The following VAC14 variants were observed in gnomAD, a reference collection of about 807,000 sequenced individuals.
The protein encoded by VAC14 is protein VAC14 homolog.
A neutral mutation model predicts 85.3 loss-of-function variants in VAC14; 47 were observed. The observed-to-expected ratio is 0.55, with a 90% CI of 0.44 to 0.70. The LOEUF (loss-of-function observed/expected upper bound fraction) is 0.70, where lower values mean the gene tolerates loss of function less well. Ranked by LOEUF, VAC14 falls within the 30% of genes least tolerant of loss-of-function variation. The pLI, the probability that VAC14 is intolerant of heterozygous loss-of-function variation, is 0.00. For missense variants in VAC14, 861 were observed against 1,004.3 expected, an observed-to-expected ratio of 0.86 and a Z score of 1.93; for synonymous variants, 447 against 430.5, an observed-to-expected ratio of 1.04 and a Z score of -0.47.
At chr16:70,792,114 C>T (rs1226470805) in intron 1 of VAC14, among the ~76,000 whole-genome samples, 1 of 152,174 alleles carries the variant, frequency 6.6e-6, no homozygotes, top group Non-Finnish European at 1.5e-5. Flanking sequence ...TCTAACCCCT[C>T]GCTAGGTGCT....
At chr16:70,781,358 T>C (rs2033801125) in intron 8 of VAC14, among the ~76,000 whole-genome samples, 1 of 152,200 alleles carries the variant, frequency 6.6e-6, no homozygotes, top group African/African-American at 2.4e-5. Context: ...CAGGTATTCC[T>C]TTATAGCAAC....
intron 3 of VAC14, among the ~76,000 whole-genome samples, chr16:70,785,368 C>T (rs146098053): frequency 1.3e-5 from 2 of 152,328 alleles, no homozygotes; most frequent in African/African-American, 4.8e-5. Flanking sequence ...GCAGCCCTCC[C>T]TAAAGGGAAA....
At chr16:70,795,669 C>G (rs1036794331) in intron 1 of VAC14, among the ~76,000 whole-genome samples, 1 of 152,134 alleles carries the variant, frequency 6.6e-6, no homozygotes, top group Admixed American at 6.5e-5. Context: ...GGCAGGGAGG[C>G]GTGATTCAGG....
chr16:70,739,855 G>C (rs1023706528), intron 13 of VAC14, among the ~76,000 whole-genome samples: 1 of 152,200 alleles, frequency 6.6e-6, no homozygotes, highest in African/African-American at 2.4e-5. Context: ...TGGGCTACAA[G>C]GAATGAAACC....
rs115024419 is a variant in VAC14 at position 70,729,865 on chromosome 16, C to T, written c.1661+1630G>A. Among the ~76,000 whole-genome samples the T allele has an allele frequency of 5.0e-3, 768 of 152,172 alleles. 9 individuals carry two copies. Among genetic ancestry groups the T allele is most frequent in the African/African-American group, 0.018 (729 of 41,502 alleles). On this transcript the variant is annotated intron_variant, in intron 14 of 18. Transcript: ENST00000261776. ...GAATGAATGACTATGCCATCAATTT[C>T]GAGATTGTATCTTGGGCCTCGGTAC...
In VAC14 at chr16:70,687,997, G is replaced by T. The variant is rs368850626; in HGVS notation, c.2280C>A (p.Asn760Lys). 4 of 1,606,552 alleles carry T rather than the reference G, an allele frequency of 2.5e-6. No individual in the cohort carries two copies. The African/African-American group carries it at 5.4e-5, about 22-fold the overall frequency. ...GCTGGTGCCGCACTTCCAGGTGCTT[G>T]TTCTGGACCTTCTCAAAGTGCTGCA... Reference protein sequence around the residue: ...ELLQHFEKVQNKHLEVRHQRS... With the variant: ...ELLQHFEKVQKKHLEVRHQRS... Residue 760 changes from asparagine to lysine, a missense_variant, in exon 19 of 19, where the codon AAC (asparagine) becomes AAA (lysine). Asn to Lys is a moderately conservative substitution (Grantham distance 94, BLOSUM62 0). Coordinates refer to ENST00000261776, the MANE Select transcript of VAC14 (RefSeq NM_018052.5).
At chr16:70,688,347 C>T (rs1269787284) in intron 18 of VAC14, 21 of 1,151,078 alleles carry the variant, frequency 1.8e-5, no homozygotes, top group East Asian at 1.7e-4. Flanking sequence ...CTGGCGATGG[C>T]GCCCAGAGCA....
At chr16:70,789,964 CTCTCCTG>C (rs1192511747) in intron 1 of VAC14, among the ~76,000 whole-genome samples, 1 of 152,206 alleles carries the variant, frequency 6.6e-6, no homozygotes, top group East Asian at 1.9e-4. Context: ...GAGCCACCTC[CTCTCCTG>C]TCTCCTTGTT....
In VAC14 at chr16:70,746,477, G is replaced by A. The variant is rs554583587; in HGVS notation, c.1372-1898C>T. Among the ~76,000 whole-genome samples, 796 of 152,326 alleles carry A rather than the reference G, an allele frequency of 5.2e-3. 3 individuals are homozygous for A. The highest frequency in any genetic ancestry group is 7.2e-3 in the Non-Finnish European group (487 of 68,032). Reference sequence around the variant, plus strand: ...TCACAGCCACCCCTGCCCGTGGCCTGGCACACAGAGTGGAGAGCTGATGAA... The same window carrying A: ...TCACAGCCACCCCTGCCCGTGGCCTAGCACACAGAGTGGAGAGCTGATGAA... On this transcript the variant is annotated intron_variant, in intron 12 of 18. Coordinates refer to ENST00000261776, the MANE Select transcript of VAC14 (RefSeq NM_018052.5).
intron 13 of VAC14, among the ~76,000 whole-genome samples, chr16:70,741,399 G>T (rs1381037457): frequency 1.3e-5 from 2 of 151,728 alleles, no homozygotes; most frequent in African/African-American, 4.9e-5. Context: ...GTGGGGGGGC[G>T]GGGAAGCAGG....
chr16:70,741,622 T>C (rs1010311245), intron 13 of VAC14, among the ~76,000 whole-genome samples: 5 of 152,208 alleles, frequency 3.3e-5, no homozygotes, highest in Non-Finnish European at 7.4e-5. Context: ...CCACTGCTCC[T>C]TGGCTGTGGA....
intron 14 of VAC14, among the ~76,000 whole-genome samples, chr16:70,713,566 AGAT>A (rs1468996690): frequency 4.6e-5 from 7 of 152,246 alleles, no homozygotes; most frequent in African/African-American, 1.7e-4. Context: ...GAGGAGACAC[AGAT>A]GATGAAATCT....
intron 14 of VAC14, among the ~76,000 whole-genome samples, chr16:70,726,363 G>C (rs1397110022): frequency 6.6e-6 from 1 of 152,152 alleles, no homozygotes. Context: ...GCCAGCTCTC[G>C]GCACGGAAGG....
chr16:70,741,422 T>C (rs1278147152), intron 13 of VAC14, among the ~76,000 whole-genome samples: 1 of 152,174 alleles, frequency 6.6e-6, no homozygotes, highest in Non-Finnish European at 1.5e-5. Flanking sequence ...ACACTCTGGC[T>C]CCCCTGGCTG....
chr16:70,750,869 G>A (rs185600908), intron 12 of VAC14, among the ~76,000 whole-genome samples: 95 of 152,146 alleles, frequency 6.2e-4, no homozygotes, highest in African/African-American at 2.2e-3. Flanking sequence ...AGGGTGCCGC[G>A]GCAGCTCCTT....
intron 12 of VAC14, among the ~76,000 whole-genome samples, chr16:70,750,165 A>G (rs576645049): frequency 1.3e-5 from 2 of 151,942 alleles, no homozygotes; most frequent in East Asian, 1.9e-4. Context: ...CTTCTAGGCC[A>G]CTCCTGCCTC....
intron 12 of VAC14, among the ~76,000 whole-genome samples, chr16:70,746,792 A>G (rs1383570878): frequency 6.6e-6 from 1 of 152,198 alleles, no homozygotes; most frequent in Non-Finnish European, 1.5e-5. Flanking sequence ...CAGGATGTAC[A>G]AAGGCCATGC....
intron 14 of VAC14, among the ~76,000 whole-genome samples, chr16:70,709,034 G>A (rs897626634): frequency 3.3e-5 from 5 of 152,228 alleles, no homozygotes; most frequent in African/African-American, 1.2e-4. Flanking sequence ...CTGGGCTCCT[G>A]CCCTCTCTTG....
At chr16:70,785,432 G>A (rs1024673289) in intron 3 of VAC14, among the ~76,000 whole-genome samples, 10 of 152,216 alleles carry the variant, frequency 6.6e-5, no homozygotes, top group East Asian at 1.9e-4. Flanking sequence ...GGAGGCGAGT[G>A]TTTCACAGAC....
Sources: gnomAD v4.1 joint callset for allele counts (sites outside exome capture counted in the v4.1 genomes callset) on GRCh38, gnomAD v4.1.1 for gene constraint, MANE v1.5 for transcripts, NCBI Gene and HGNC (gene_info 2026-07-23, HGNC 2026-07-21) for gene names.